Variants in WNK3 observed in about 807,000 individuals in gnomAD.
WNK3 encodes the protein WNK lysine deficient protein kinase 3, also known as serine/threonine-protein kinase WNK3.
Under a neutral mutation model 116.7 loss-of-function variants are expected in WNK3, and 18 were observed. The observed-to-expected ratio is 0.15, with a 90% CI of 0.11 to 0.23. WNK3 has a LOEUF of 0.23. Among genes scored for constraint, WNK3 ranks in the 10% least tolerant of loss-of-function variants. The probability of loss-of-function intolerance (pLI) is 1.00; values close to 1 mark genes in which losing one functional copy is unlikely to be tolerated. For missense variants in WNK3, 993 were observed against 1,323.8 expected (o/e 0.75, Z 3.88); for synonymous variants, 404 against 469.4 (o/e 0.86, Z 1.80).
chrX:54,314,597 T>G (rs2068929317), intron 2 of WNK3, among the ~76,000 whole-genome samples: 1 of 110,883 alleles, frequency 9.0e-6, no homozygotes, highest in African/African-American at 3.3e-5. Flanking sequence ...GACAAAACCC[T>G]GTCTCTACAA....
chrX:54,202,196 A>G lies in WNK3; in HGVS notation c.4871-3T>C. On this transcript the variant is annotated splice_region_variant and splice_polypyrimidine_tract_variant and intron_variant, in intron 22 of 23. Coordinates refer to ENST00000354646, the Ensembl canonical transcript of WNK3. The stretch of plus-strand genomic sequence containing the variant: ...ATTACTCTCCACACACAGTGGATCT[A>G]TAAGACAAAAAAAACAACAACAGGG... 9.3e-6 allele frequency: 11 copies of G among 1,187,509 alleles called. No homozygotes were observed. The highest frequency in any genetic ancestry group is 1.1e-5 in the Non-Finnish European group (10 of 881,907).
At chrX:54,200,963 A>T (rs1008723424) in intron 23 of WNK3, among the ~76,000 whole-genome samples, 1 of 111,957 alleles carries the variant, frequency 8.9e-6, no homozygotes, top group Non-Finnish European at 1.9e-5. Flanking sequence ...ATTTTTATTC[A>T]ATATTAACAA....
At chrX:54,257,789 CAAAAAAA>C (rs60655785) in intron 11 of WNK3, among the ~76,000 whole-genome samples, 11 of 15,656 alleles carry the variant, frequency 7.0e-4, no homozygotes, top group South Asian at 3.1e-3. Flanking sequence ...GACTCTGCCT[CAAAAAAA>C]AAAAAAAAAA....
intron 17 of WNK3, among the ~76,000 whole-genome samples, chrX:54,246,864 G>A (rs1334164222): frequency 8.9e-6 from 1 of 111,776 alleles, no homozygotes; most frequent in Non-Finnish European, 1.9e-5. Context: ...AAGTACAAGA[G>A]CATTGCAGTG....
chrX:54,343,594 G>C (rs2069361303), intron 1 of WNK3: 1 of 111,055 alleles, frequency 9.0e-6, no homozygotes, highest in Non-Finnish European at 1.9e-5. Context: ...ATACAGAGAA[G>C]ATTAGCACGG....
intron 2 of WNK3, among the ~76,000 whole-genome samples, chrX:54,331,826 C>T (rs1557174301): frequency 9.0e-6 from 1 of 111,651 alleles, no homozygotes; most frequent in African/African-American, 3.2e-5. Context: ...TGGCATTAAA[C>T]AAAAAGCTTC....
exon 9 of WNK3, chrX:54,293,209 C>T (rs782676593): frequency 1.1e-5 from 13 of 1,208,656 alleles, no homozygotes; most frequent in African/African-American, 1.8e-5. Context: ...CTTCAGCCTG[C>T]GGGATATTAG....
At chrX:54,344,057 T>C (rs1223886128) in intron 1 of WNK3, among the ~76,000 whole-genome samples, 1 of 112,017 alleles carries the variant, frequency 8.9e-6, no homozygotes, top group Admixed American at 9.6e-5. Flanking sequence ...TAAAAAAAAC[T>C]TTGGGCTTCA....
chrX:54,234,885 T>C (rs972277768), intron 20 of WNK3, among the ~76,000 whole-genome samples: 2 of 110,729 alleles, frequency 1.8e-5, no homozygotes, highest in African/African-American at 6.5e-5. Context: ...AGAATACTTA[T>C]ATCACAAATA....
At chrX:54,315,192 A>G (rs901232390) in intron 2 of WNK3, among the ~76,000 whole-genome samples, 3 of 108,615 alleles carry the variant, frequency 2.8e-5, no homozygotes, top group African/African-American at 1.0e-4. Flanking sequence ...AGTCCTAGCT[A>G]CTTGGGAGGC....
chrX:54,230,726 G>A (rs940705915), intron 21 of WNK3, among the ~76,000 whole-genome samples: 5 of 112,294 alleles, frequency 4.5e-5, no homozygotes, highest in African/African-American at 1.3e-4. Context: ...GACTATTTAC[G>A]GGAGCTTTAT....
rs1014315363 is a variant in WNK3 at position 54,253,578 on chromosome X, A to G, written c.2367+381T>C. 2.8e-5 allele frequency among the ~76,000 whole-genome samples: 3 copies of G among 106,949 alleles called. No individual in the cohort carries two copies. In the Admixed American group the frequency reaches 3.0e-4, roughly 11 times the overall value. 92.9% of individuals were successfully genotyped at this position (106,949 alleles called of 115,157 possible). A position where few individuals can be genotyped will look rare whatever the true frequency, so the allele number is the denominator to read the frequency against. On this transcript the variant is annotated intron_variant, in intron 13 of 23. Coordinates refer to ENST00000354646, the Ensembl canonical transcript of WNK3. ...CACTGTGCCCAGCAAAAAATAAACT[A>G]AAAAAAAAAGAATTACCTGGGGAGC... is the stretch of plus-strand genomic sequence containing the variant.
chrX:54,284,373 A>C (rs1284108958), intron 10 of WNK3, among the ~76,000 whole-genome samples: 1 of 111,770 alleles, frequency 8.9e-6, no homozygotes, highest in Non-Finnish European at 1.9e-5. Context: ...TAGAATAACT[A>C]AAATTAAAAA....
intron 10 of WNK3, among the ~76,000 whole-genome samples, chrX:54,266,478 G>A (rs2068311959): frequency 9.0e-6 from 1 of 111,398 alleles, no homozygotes; most frequent in South Asian, 3.8e-4. Flanking sequence ...AATGCTTGAG[G>A]TGATAGATAC....
At chrX:54,283,215 G>A (rs1267700884) in intron 10 of WNK3, among the ~76,000 whole-genome samples, 2 of 111,855 alleles carry the variant, frequency 1.8e-5, no homozygotes, top group African/African-American at 6.5e-5. Context: ...AGGCCAAGGT[G>A]GGAGGATTGC....
At chrX:54,319,021 G>A (rs782284636) in intron 2 of WNK3, among the ~76,000 whole-genome samples, 3 of 109,953 alleles carry the variant, frequency 2.7e-5, no homozygotes, top group African/African-American at 3.3e-5. Flanking sequence ...CAGGCGATCC[G>A]CCCACCTCGG....
At chrX:54,203,840 G>A (rs1004655235) in intron 22 of WNK3, among the ~76,000 whole-genome samples, 3 of 109,868 alleles carry the variant, frequency 2.7e-5, no homozygotes, top group African/African-American at 6.6e-5. Flanking sequence ...CCAGCTACTC[G>A]GAAGGTTGAG....
chrX:54,279,192 T>TA (rs1184472223), intron 10 of WNK3, among the ~76,000 whole-genome samples: 1 of 109,716 alleles, frequency 9.1e-6, no homozygotes, highest in Non-Finnish European at 1.9e-5. Flanking sequence ...AAAGAATTCT[T>TA]AGACTTCACA....
rs189010612 is a variant in WNK3, at chrX:54,204,911, T to C, written c.4871-2718A>G. On this transcript the variant is annotated intron_variant, in intron 22 of 23. Transcript: ENST00000354646. ...GTTGCAGAGAGGTTAGGTCTAAATG[T>C]CATTAATTTAAGAACATTTCTGGGG... Among the ~76,000 whole-genome samples, 24 of 112,639 alleles carry C rather than the reference T, an allele frequency of 2.1e-4. No individual in the cohort carries two copies. The East Asian group carries it at 5.5e-3, about 26-fold the overall frequency.
Sources: gnomAD v4.1 joint callset for allele counts (sites outside exome capture counted in the v4.1 genomes callset) on GRCh38, gnomAD v4.1.1 for gene constraint, MANE v1.5 for transcripts, NCBI Gene and HGNC (gene_info 2026-07-23, HGNC 2026-07-21) for gene names.